Variants in FCHSD2 observed in about 807,000 individuals in gnomAD.
FCHSD2 encodes FCH and double SH3 domains 2, also known as F-BAR and double SH3 domains protein 2.
A neutral mutation model predicts 108.1 loss-of-function variants in FCHSD2; 38 were observed. That is an observed-to-expected ratio of 0.35 (90% confidence interval 0.27 to 0.46). The LOEUF (loss-of-function observed/expected upper bound fraction) is 0.46. Among genes scored for constraint, FCHSD2 ranks in the 20% least tolerant of loss-of-function variants. FCHSD2 has a pLI of 1.00. For synonymous variants in FCHSD2, 279 were observed against 314.7 expected (o/e 0.89, Z 1.20); for missense variants, 751 against 897.8 (o/e 0.84, Z 2.09).
intron 8 of FCHSD2, chr11:72,940,530 G>T: frequency 1.1e-6 from 1 of 931,092 alleles, no homozygotes; most frequent in Non-Finnish European, 1.8e-6. Flanking sequence ...AGGAGCTATG[G>T]AGAAAGAAGT....
chr11:72,918,563 T>G (rs1399091786), intron 9 of FCHSD2, among the ~76,000 whole-genome samples: 1 of 152,192 alleles, frequency 6.6e-6, no homozygotes, highest in African/African-American at 2.4e-5. Flanking sequence ...TGCTGAGTGT[T>G]TATCACAAAA....
intron 3 of FCHSD2, among the ~76,000 whole-genome samples, chr11:73,068,367 G>T (rs1008003115): frequency 6.6e-6 from 1 of 150,774 alleles, no homozygotes; most frequent in Non-Finnish European, 1.5e-5. Context: ...GGGTTGGGGG[G>T]GCGGAGAGAG....
At chr11:73,007,120 T>G (rs1857757713) in intron 4 of FCHSD2, among the ~76,000 whole-genome samples, 1 of 152,214 alleles carries the variant, frequency 6.6e-6, no homozygotes, top group African/African-American at 2.4e-5. Flanking sequence ...ACTAACCTTT[T>G]AAACTAAAAT....
intron 8 of FCHSD2, among the ~76,000 whole-genome samples, chr11:72,945,901 T>C (rs1264662233): frequency 6.6e-6 from 1 of 152,164 alleles, no homozygotes; most frequent in African/African-American, 2.4e-5. Context: ...AAACAACTGG[T>C]GCTGGAGGGG....
chr11:73,094,040 G>A (rs1369639445), intron 2 of FCHSD2, among the ~76,000 whole-genome samples: 9 of 151,994 alleles, frequency 5.9e-5, no homozygotes, highest in African/African-American at 1.4e-4. Context: ...GTAAAACCCC[G>A]TCTCTACTAA....
At chr11:73,091,002 A>G (rs1388355070) in intron 2 of FCHSD2, among the ~76,000 whole-genome samples, 1 of 152,178 alleles carries the variant, frequency 6.6e-6, no homozygotes, top group Non-Finnish European at 1.5e-5. Flanking sequence ...GATATTTCAT[A>G]TGAAAAAAAT....
intron 13 of FCHSD2, among the ~76,000 whole-genome samples, chr11:72,866,112 T>TCCTG (rs1452504214): frequency 1.3e-5 from 2 of 152,168 alleles, no homozygotes; most frequent in African/African-American, 4.8e-5. Context: ...TTGGAAACAG[T>TCCTG]CCTGCTGTAG....
chr11:73,004,924 C>T (rs1401301091), intron 4 of FCHSD2, among the ~76,000 whole-genome samples: 1 of 152,206 alleles, frequency 6.6e-6, no homozygotes, highest in Non-Finnish European at 1.5e-5. Context: ...TATCAGAAGG[C>T]AATGTCCACA....
intron 8 of FCHSD2, among the ~76,000 whole-genome samples, chr11:72,938,129 G>C: frequency 6.6e-6 from 1 of 151,676 alleles, no homozygotes. Context: ...AATAAATGAA[G>C]AGTGCTGAAG....
chr11:73,042,067 C>A (rs935386424), intron 3 of FCHSD2, among the ~76,000 whole-genome samples: 17 of 152,160 alleles, frequency 1.1e-4, no homozygotes, highest in African/African-American at 3.4e-4. Context: ...GCTGGGATTA[C>A]AGGTGCCCAC....
At chr11:72,981,989 A>G (rs1857224033) in intron 8 of FCHSD2, among the ~76,000 whole-genome samples, 3 of 152,294 alleles carry the variant, frequency 2.0e-5, no homozygotes, top group Middle Eastern at 6.8e-3. Context: ...CTCAAAAACT[A>G]TATATACTAA....
chr11:72,910,227 A>T (rs930822036), intron 9 of FCHSD2, among the ~76,000 whole-genome samples: 3 of 138,390 alleles, frequency 2.2e-5, no homozygotes, highest in African/African-American at 8.2e-5. Flanking sequence ...GCTGCCCATC[A>T]TCTGGGATGT....
intron 2 of FCHSD2, among the ~76,000 whole-genome samples, chr11:73,105,923 T>C: frequency 6.6e-6 from 1 of 152,214 alleles, no homozygotes; most frequent in East Asian, 1.9e-4. Context: ...GTAAATAAGA[T>C]ACCTATAGAA....
At chr11:72,999,374 C>A (rs189532103) in intron 5 of FCHSD2, among the ~76,000 whole-genome samples, 1 of 140,430 alleles carries the variant, frequency 7.1e-6, no homozygotes, top group Non-Finnish European at 1.5e-5. Context: ...GGCTGGAGGG[C>A]AGTGGCACGA....
chr11:72,868,079 C>T, intron 12 of FCHSD2, 53 bp from the exon 13 acceptor site: 1 of 1,511,222 alleles, frequency 6.6e-7, no homozygotes, highest in African/African-American at 1.4e-5. Flanking sequence ...TTCACAATAG[C>T]AAAGATAAGG....
chr11:73,136,846 A>G (rs1380198400), intron 2 of FCHSD2, among the ~76,000 whole-genome samples: 1 of 152,192 alleles, frequency 6.6e-6, no homozygotes, highest in African/African-American at 2.4e-5. Context: ...CCTGGCCAAC[A>G]TGGTGAAACC....
At chr11:73,052,744 A>T (rs1317795179) in intron 3 of FCHSD2, among the ~76,000 whole-genome samples, 1 of 152,224 alleles carries the variant, frequency 6.6e-6, no homozygotes, top group East Asian at 1.9e-4. Flanking sequence ...TAAGAAAGGG[A>T]TACAAGTATT....
At chr11:72,931,275 T>TG (rs1158665684) in intron 8 of FCHSD2, among the ~76,000 whole-genome samples, 1 of 145,336 alleles carries the variant, frequency 6.9e-6, no homozygotes, top group Non-Finnish European at 1.5e-5. Flanking sequence ...TTGTGGGTTT[T>TG]TTTTTTTTTT....
At chr11:72,975,637 T>C (rs1196216706) in intron 8 of FCHSD2, among the ~76,000 whole-genome samples, 4 of 152,154 alleles carry the variant, frequency 2.6e-5, no homozygotes, top group East Asian at 3.8e-4. Flanking sequence ...TATAAATATA[T>C]AGTTATTATG....
Sources: allele counts gnomAD v4.1 joint callset (sites outside exome capture counted in the v4.1 genomes callset), GRCh38; gene constraint gnomAD v4.1.1; transcripts MANE v1.5; gene names NCBI Gene and HGNC (gene_info 2026-07-23, HGNC 2026-07-21).